NGEF: variants seen among roughly 807,000 people sequenced by gnomAD.
NGEF encodes neuronal guanine nucleotide exchange factor, also known as ephexin-1.
Under a neutral mutation model 80.9 loss-of-function variants are expected in NGEF, and 31 were observed. That is an observed-to-expected ratio of 0.38 (90% CI 0.29 to 0.52). The LOEUF (loss-of-function observed/expected upper bound fraction) is 0.52. NGEF is among the 20% of genes least tolerant of loss of function. The pLI is 0.84. For synonymous variants in NGEF, 371 were observed against 370.2 expected (o/e 1.00, Z -0.03); for missense variants, 709 against 926.2 (o/e 0.77, Z 3.04).
chr2:233,010,562 AT>A (rs1450527965), intron 1 of NGEF, among the ~76,000 whole-genome samples: 1 of 149,730 alleles, frequency 6.7e-6, no homozygotes, highest in Non-Finnish European at 1.5e-5. Flanking sequence ...CATCCTCCTC[AT>A]TTGAACGTGT....
At chr2:232,885,258 C>T (rs1348938243) in intron 10 of NGEF, 22 bp downstream of exon 10, 2 of 1,610,394 alleles carry the variant, frequency 1.2e-6, no homozygotes, top group Non-Finnish European at 1.7e-6. Context: ...GGCACAGGCT[C>T]ACACCAATCC....
At chr2:232,921,650 T>G (rs1229381245) in intron 4 of NGEF, among the ~76,000 whole-genome samples, 5 of 147,488 alleles carry the variant, frequency 3.4e-5, no homozygotes, top group Non-Finnish European at 7.4e-5. Flanking sequence ...TTTGTAGAGA[T>G]GAGGACTTGC....
At chr2:232,961,522 T>C (rs1435210568) in intron 3 of NGEF, among the ~76,000 whole-genome samples, 2 of 152,156 alleles carry the variant, frequency 1.3e-5, no homozygotes, top group Non-Finnish European at 1.5e-5. Context: ...AGATGGAGTC[T>C]AGCTCTGTCG....
chr2:232,991,477 T>A (rs1299389902), intron 1 of NGEF, among the ~76,000 whole-genome samples: 3 of 151,880 alleles, frequency 2.0e-5, no homozygotes, highest in Non-Finnish European at 2.9e-5. Flanking sequence ...AATTAAAATT[T>A]AAAAAAACCA....
intron 1 of NGEF, among the ~76,000 whole-genome samples, chr2:233,010,532 T>C (rs1695180413): frequency 1.3e-5 from 2 of 152,108 alleles, no homozygotes; most frequent in South Asian, 4.1e-4. Context: ...TTGCTGATCA[T>C]CCATCCCTTT....
At position 232,894,907 on chromosome 2, in the gene NGEF, C is replaced by T; in HGVS notation, c.838G>A (p.Glu280Lys). Reference protein sequence around the residue: ...EEIKLQEAMFELVTSEASYYK... With the variant: ...EEIKLQEAMFKLVTSEASYYK... ...TAGGACGCCTCGGAAGTGACCAGCT[C>T]GAACATGGCCTGTAGCAGGGAGACC... The change falls in exon 6 of 15, where the codon GAG (glutamate) becomes AAG (lysine). Residue 280 changes from glutamate to lysine, a missense_variant. This residue lies in a region of NGEF where 426 missense variants were observed against 622.9 expected (regional missense o/e 0.68). Transcript: ENST00000264051. The T allele has an allele frequency of 2.5e-6, 4 of 1,586,294 alleles. No individual in the cohort carries two copies. Among genetic ancestry groups the T allele is most frequent in the Non-Finnish European group, 3.5e-6 (4 of 1,158,098 alleles).
At chr2:232,900,906 C>G (rs962781766) in intron 5 of NGEF, among the ~76,000 whole-genome samples, 35 of 152,224 alleles carry the variant, frequency 2.3e-4, no homozygotes, top group Admixed American at 2.1e-3. Flanking sequence ...TCTCAGGCAG[C>G]GCGGGCCACG....
chr2:232,894,556 G>A, intron 6 of NGEF, 200 bp downstream of exon 6: 2 of 477,292 alleles, frequency 4.2e-6, no homozygotes, highest in Non-Finnish European at 7.1e-6. Flanking sequence ...AGGGACGCCG[G>A]GGGACGTGAC....
At chr2:233,000,849 C>T (rs1434099580) in intron 1 of NGEF, among the ~76,000 whole-genome samples, 1 of 151,998 alleles carries the variant, frequency 6.6e-6, no homozygotes, top group Non-Finnish European at 1.5e-5. Flanking sequence ...GCATCAACGG[C>T]TGAATTCTAG....
intron 1 of NGEF, among the ~76,000 whole-genome samples, chr2:233,004,809 C>T (rs1264424689): frequency 1.3e-5 from 2 of 152,102 alleles, no homozygotes; most frequent in Non-Finnish European, 2.9e-5. Context: ...TGCTGGGGGC[C>T]TTTCTTCGGG....
intron 1 of NGEF, among the ~76,000 whole-genome samples, chr2:232,986,467 A>G (rs1694533926): frequency 6.6e-6 from 1 of 152,272 alleles, no homozygotes; most frequent in Non-Finnish European, 1.5e-5. Flanking sequence ...GTCCATCTAC[A>G]GATAAATGGA....
In NGEF at chr2:233,002,176, G is replaced by C. The variant is rs561748747; in HGVS notation, c.-75+10892C>G. Reference sequence around the variant, plus strand: ...ATGGGAGTTGAACCGGTAACTGTGAGGTAATTTTAGGAGGGACACGAGTCA... The same window carrying C: ...ATGGGAGTTGAACCGGTAACTGTGACGTAATTTTAGGAGGGACACGAGTCA... On this transcript the variant is annotated intron_variant, in intron 1 of 14. Transcript: ENST00000264051. Among the ~76,000 whole-genome samples the C allele has an allele frequency of 5.1e-4, 77 of 152,150 alleles. 1 individual carries two copies. Among genetic ancestry groups the C allele is most frequent in the Admixed American group, 7.9e-4 (12 of 15,276 alleles).
intron 9 of NGEF, among the ~76,000 whole-genome samples, chr2:232,887,628 G>A (rs1348019616): frequency 1.3e-5 from 2 of 152,192 alleles, no homozygotes; most frequent in African/African-American, 4.8e-5. Flanking sequence ...AACAGGCAAA[G>A]ACAAGCCTGG....
At chr2:232,915,038 A>ACATTTT (rs1692766636) in intron 5 of NGEF, among the ~76,000 whole-genome samples, 1 of 151,544 alleles carries the variant, frequency 6.6e-6, no homozygotes, top group African/African-American at 2.4e-5. Flanking sequence ...AAAAAAAAGA[A>ACATTTT]CATTTTCATC....
intron 8 of NGEF, 99 bp downstream of exon 8, chr2:232,891,259 G>A (rs1000454281): frequency 1.4e-5 from 20 of 1,472,278 alleles, no homozygotes; most frequent in Non-Finnish European, 1.9e-5. Context: ...CTTAGTATCT[G>A]TTGAACCAGT....
At chr2:232,992,656 A>G (rs1268726057) in intron 1 of NGEF, among the ~76,000 whole-genome samples, 6 of 152,116 alleles carry the variant, frequency 3.9e-5, no homozygotes, top group Admixed American at 1.3e-4. Context: ...TAGAGTATAT[A>G]AAGAACTCAT....
At chr2:232,918,904 G>A (rs1453238343) in intron 5 of NGEF, among the ~76,000 whole-genome samples, 2 of 152,280 alleles carry the variant, frequency 1.3e-5, no homozygotes, top group Middle Eastern at 3.4e-3. Context: ...TGGGATTACA[G>A]GCGTGAGCCA....
intron 3 of NGEF, among the ~76,000 whole-genome samples, chr2:232,961,743 G>A (rs866801378): frequency 3.9e-5 from 6 of 151,996 alleles, no homozygotes; most frequent in Admixed American, 6.6e-5. Flanking sequence ...TGATCTGCCC[G>A]CCTTGGGCTC....
At chr2:232,904,368 ACAGG>A (rs1205943262) in intron 5 of NGEF, among the ~76,000 whole-genome samples, 5 of 152,112 alleles carry the variant, frequency 3.3e-5, no homozygotes, top group African/African-American at 1.2e-4. Context: ...AGCTGGAACT[ACAGG>A]CATGTGCCAC....
Sources: gnomAD v4.1 joint callset for allele counts (sites outside exome capture counted in the v4.1 genomes callset) on GRCh38, gnomAD v4.1.1 for gene constraint, gnomAD v4.1.1 regional missense constraint, MANE v1.5 for transcripts, NCBI Gene and HGNC (gene_info 2026-07-23, HGNC 2026-07-21) for gene names.